Variants in PALS1 observed in about 807,000 individuals in gnomAD.
The protein encoded by PALS1 is protein PALS1.
A neutral mutation model predicts 78.9 loss-of-function variants in PALS1; 31 were observed. That is an observed-to-expected ratio of 0.39 (90% CI 0.30 to 0.53). The LOEUF (loss-of-function observed/expected upper bound fraction) is 0.53. Among genes scored for constraint, PALS1 ranks in the 20% least tolerant of loss-of-function variants. The pLI, the probability that PALS1 is intolerant of heterozygous loss-of-function variation, is 0.67. For synonymous variants in PALS1, 276 were observed against 270.9 expected, an observed-to-expected ratio of 1.02 and a Z score of -0.18; for missense variants, 704 against 826.5, an observed-to-expected ratio of 0.85 and a Z score of 1.82.
rs770675636 is a variant in PALS1, at chr14:67,321,070, T to C, written c.1551T>C (p.Ser517=). 1.4e-5 allele frequency: 22 copies of C among 1,613,998 alleles called. No individual in the cohort carries two copies. The highest frequency in any genetic ancestry group is 2.2e-5 in the East Asian group (1 of 44,878). The change falls in exon 13 of 15, where the codon AGT becomes AGC. Residue 517 remains serine, a synonymous_variant. Transcript: ENST00000261681. ...TTGTTTGCCTAGATACAACCCGGAG[T>C]AGGCGAGACCAAGAAGTAGCCGGTA... The part of the protein sequence containing the change: ...FASAVPHTTR[S]RRDQEVAGRD...
At chr14:67,310,831 GTCTATCTA>G (rs372046599) in intron 8 of PALS1, among the ~76,000 whole-genome samples, 8 of 152,006 alleles carry the variant, frequency 5.3e-5, no homozygotes, top group Admixed American at 1.3e-4. Context: ...CCATTTATCT[GTCTATCTA>G]TCTATCTATG....
At chr14:67,267,251 A>ATTAT (rs1251165047) in intron 1 of PALS1, among the ~76,000 whole-genome samples, 18 of 152,024 alleles carry the variant, frequency 1.2e-4, no homozygotes, top group Non-Finnish European at 1.5e-4. Context: ...ATTAAAATTC[A>ATTAT]TTATTTATTT....
intron 8 of PALS1, among the ~76,000 whole-genome samples, chr14:67,311,544 C>A (rs947395480): frequency 6.6e-6 from 1 of 152,116 alleles, no homozygotes; most frequent in Non-Finnish European, 1.5e-5. Flanking sequence ...TCACATGCAA[C>A]TTGCCCAGGT....
chr14:67,258,966 C>A (rs561071570), intron 1 of PALS1, among the ~76,000 whole-genome samples: 162 of 152,112 alleles, frequency 1.1e-3, no homozygotes, highest in African/African-American at 3.7e-3. Flanking sequence ...CCTCACCCTC[C>A]CGAGTAGCTG....
chr14:67,298,081 T>A (rs948068916), intron 4 of PALS1, among the ~76,000 whole-genome samples: 3 of 152,070 alleles, frequency 2.0e-5, no homozygotes, highest in Admixed American at 6.6e-5. Flanking sequence ...TGCCAGGAGA[T>A]AGGGCTGGAA....
Position 67,335,052 on chromosome 14 carries a change from A to G in PALS1, c.*2096A>G, listed in dbSNP as rs923270770. 7 of 152,196 alleles carry G rather than the reference A, an allele frequency of 4.6e-5. No homozygotes were observed. Among genetic ancestry groups the G allele is most frequent in the African/African-American group, 1.7e-4 (7 of 41,448 alleles). 9.4% of individuals were successfully genotyped at this position (152,196 alleles called of 1,614,324 possible). On this transcript the variant is annotated 3_prime_UTR_variant, in exon 15 of 15. Coordinates refer to ENST00000261681, the MANE Select transcript of PALS1 (RefSeq NM_022474.4). The stretch of plus-strand genomic sequence containing the variant: ...CCATGTGCTGTCAAGATTCAGGAAC[A>G]TGGCTTTAACAAGCAGATCTTGTAT...
intron 2 of PALS1, chr14:67,272,135 A>T (rs1006595): frequency 2.6e-5 from 4 of 151,668 alleles, no homozygotes; most frequent in African/African-American, 9.7e-5. Flanking sequence ...TTAAATTTGT[A>T]TACAAATCAC....
At chr14:67,280,695 A>T in intron 3 of PALS1, among the ~76,000 whole-genome samples, 1 of 152,162 alleles carries the variant, frequency 6.6e-6, no homozygotes, top group Non-Finnish European at 1.5e-5. Flanking sequence ...AGCTGTGGCT[A>T]CCCAGAATAG....
chr14:67,299,214 C>T (rs866255577), intron 4 of PALS1, among the ~76,000 whole-genome samples: 2 of 152,034 alleles, frequency 1.3e-5, no homozygotes, highest in African/African-American at 2.4e-5. Context: ...GTGAAATATC[C>T]GGTTAGATCT....
intron 1 of PALS1, among the ~76,000 whole-genome samples, chr14:67,266,926 A>G (rs897636417): frequency 1.2e-4 from 18 of 152,052 alleles, no homozygotes; most frequent in African/African-American, 4.1e-4. Flanking sequence ...CCTGGGCAAC[A>G]CAGTGAAACC....
intron 13 of PALS1, among the ~76,000 whole-genome samples, chr14:67,323,069 C>G (rs2085285410): frequency 6.6e-6 from 1 of 152,040 alleles, no homozygotes; most frequent in Non-Finnish European, 1.5e-5. Flanking sequence ...TTATTGTAAT[C>G]TGTATGTGAT....
Position 67,333,996 on chromosome 14 carries a change from T to C in PALS1, c.*1040T>C, listed in dbSNP as rs1325285136. The C allele has an allele frequency of 2.0e-5, 3 of 152,620 alleles. No homozygotes were observed. The highest frequency in any genetic ancestry group is 4.4e-5 in the Non-Finnish European group (3 of 68,028). 9.5% of individuals were successfully genotyped at this position (152,620 alleles called of 1,614,324 possible). A position where few individuals can be genotyped will look rare whatever the true frequency, so the allele number is the denominator to read the frequency against. ...TGCTGTACTGTATATTAATATTTAATAGATCAACAAATGGTCATTGAAAAC... is the reference window on the plus strand; with the variant it reads ...TGCTGTACTGTATATTAATATTTAACAGATCAACAAATGGTCATTGAAAAC... On this transcript the variant is annotated 3_prime_UTR_variant, in exon 15 of 15. Transcript: ENST00000261681.
Position 67,279,030 on chromosome 14 carries a change from G to T in PALS1, c.-141G>T. The T allele has an allele frequency of 2.7e-6, 2 of 746,298 alleles. No homozygotes were observed. Among genetic ancestry groups the T allele is most frequent in the Admixed American group, 3.7e-5 (1 of 26,832 alleles). The allele number at this position is 746,298 out of a possible 1,614,324, so 46.2% of individuals were successfully genotyped here. A position where few individuals can be genotyped will look rare whatever the true frequency, so the allele number is the denominator to read the frequency against. Reference sequence around the variant, plus strand: ...TCTTTCCCCTTAGATTTCCTTCATGGATACTTTTTCATAGCATTATTATGT... The same window carrying T: ...TCTTTCCCCTTAGATTTCCTTCATGTATACTTTTTCATAGCATTATTATGT... On this transcript the variant is annotated 5_prime_UTR_variant, in exon 3 of 15. Coordinates refer to ENST00000261681, the MANE Select transcript of PALS1 (RefSeq NM_022474.4).
intron 1 of PALS1, among the ~76,000 whole-genome samples, chr14:67,251,940 A>G (rs1039999975): frequency 6.6e-5 from 10 of 152,168 alleles, no homozygotes; most frequent in African/African-American, 2.4e-4. Context: ...TAATTTAATC[A>G]TGCCCATCTA....
In PALS1 at chr14:67,256,091, C is replaced by T. The variant is rs1326373076; in HGVS notation, c.-236-13610C>T. 4.8e-5 allele frequency among the ~76,000 whole-genome samples: 7 copies of T among 145,014 alleles called. No homozygotes were observed. In the East Asian group the frequency reaches 1.7e-3, roughly 34 times the overall value. On this transcript the variant is annotated intron_variant, in intron 1 of 14. Coordinates refer to ENST00000261681, the MANE Select transcript of PALS1 (RefSeq NM_022474.4). ...TTTTCCTCAAATTATAAAAGCAACA[C>T]ATACTTTTTTTGTGTGAATATTTTG...
intron 14 of PALS1, among the ~76,000 whole-genome samples, chr14:67,327,888 T>C (rs1215222787): frequency 6.6e-6 from 1 of 151,938 alleles, no homozygotes; most frequent in East Asian, 1.9e-4. Context: ...CAGTCTATCA[T>C]TGATTTGGGT....
rs1417185470 is a variant in PALS1, at chr14:67,306,169, T to C, written c.1041+2570T>C. ...ATTTTTAGCAGAGATGGGGTTTCAC[T>C]ATGTTGGCCATGCTGGTCTCGAACT... On this transcript the variant is annotated intron_variant, in intron 8 of 14. Coordinates refer to ENST00000261681, the MANE Select transcript of PALS1 (RefSeq NM_022474.4). Among the ~76,000 whole-genome samples, 4 of 152,080 alleles carry C rather than the reference T, an allele frequency of 2.6e-5. No homozygotes were observed. The South Asian group carries it at 6.2e-4, about 24-fold the overall frequency.
rs1246988741 is a variant in PALS1 at position 67,335,834 on chromosome 14, T to C, written c.*2878T>C. On this transcript the variant is annotated 3_prime_UTR_variant, in exon 15 of 15. Coordinates refer to ENST00000261681, the MANE Select transcript of PALS1 (RefSeq NM_022474.4). The stretch of plus-strand genomic sequence containing the variant: ...TTTAAAAGCCACTAAGCAATTTCTC[T>C]TGCTATTTGCTCGGCCACTCAAGGT... 2 of 152,318 alleles carry C rather than the reference T, an allele frequency of 1.3e-5. No individual in the cohort carries two copies. Among genetic ancestry groups the C allele is most frequent in the Non-Finnish European group, 2.9e-5 (2 of 68,050 alleles). 9.4% of individuals were successfully genotyped at this position (152,318 alleles called of 1,614,324 possible). A position where few individuals can be genotyped will look rare whatever the true frequency, so the allele number is the denominator to read the frequency against.
At chr14:67,263,247 A>G in intron 1 of PALS1, among the ~76,000 whole-genome samples, 1 of 152,212 alleles carries the variant, frequency 6.6e-6, no homozygotes, top group Non-Finnish European at 1.5e-5. Context: ...AATTGAAAAG[A>G]ATCATGATGC....
Sources: allele counts gnomAD v4.1 joint callset (sites outside exome capture counted in the v4.1 genomes callset), GRCh38; gene constraint gnomAD v4.1.1; transcripts MANE v1.5; gene names NCBI Gene and HGNC (gene_info 2026-07-23, HGNC 2026-07-21).